The following FRY variants were observed in gnomAD, a reference collection of about 807,000 sequenced individuals.
FRY encodes FRY microtubule binding protein, also known as protein furry homolog.
FRY carries 128 observed loss-of-function variants against 348.4 expected under a neutral mutation model. The observed-to-expected ratio is 0.37, with a 90% CI of 0.32 to 0.43. FRY has a LOEUF of 0.43. FRY is among the 20% of genes least tolerant of loss of function. The pLI, the probability that FRY is intolerant of heterozygous loss-of-function variation, is 1.00. For missense variants in FRY, 2,736 were observed against 3,695.2 expected (o/e 0.74, Z 6.73); for synonymous variants, 1,370 against 1,374.7 (o/e 1.00, Z 0.08).
At chr13:32,080,496 C>T (rs1215398639) in intron 2 of FRY, among the ~76,000 whole-genome samples, 7 of 152,216 alleles carry the variant, frequency 4.6e-5, no homozygotes, top group Admixed American at 4.6e-4. Context: ...GGCTTCAGAA[C>T]CCACATCTGA....
chr13:32,131,659 G>A lies in FRY; in HGVS notation c.717-13G>A. 2 of 1,607,724 alleles carry A rather than the reference G, an allele frequency of 1.2e-6. No individual in the cohort carries two copies. Among genetic ancestry groups the A allele is most frequent in the Non-Finnish European group, 1.7e-6 (2 of 1,175,208 alleles). ...ACCCAATATTTGATAAACCACTTAT[G>A]TTATCTTCTTAGATTCCCTGCTGTA... On this transcript the variant is annotated splice_polypyrimidine_tract_variant and intron_variant, in intron 7 of 60. Coordinates refer to ENST00000542859, the MANE Select transcript of FRY (RefSeq NM_023037.3).
Position 32,295,632 on chromosome 13 carries a change from A to G in FRY, c.*172A>G, listed in dbSNP as rs1016775853. 2.6e-5 allele frequency: 17 copies of G among 644,718 alleles called. No individual in the cohort carries two copies. In the South Asian group the frequency reaches 2.7e-4, roughly 10 times the overall value. 39.9% of individuals were successfully genotyped at this position (644,718 alleles called of 1,614,324 possible). Reference sequence around the variant, plus strand: ...AGAACTTCCAACGTGTAGCAATACTATAAGAACCAAGGTAGCTTAGAACGT... The same window carrying G: ...AGAACTTCCAACGTGTAGCAATACTGTAAGAACCAAGGTAGCTTAGAACGT... On this transcript the variant is annotated 3_prime_UTR_variant, in exon 61 of 61. Transcript: ENST00000542859.
chr13:32,264,120 G>A (rs545712085), intron 53 of FRY, among the ~76,000 whole-genome samples: 14 of 152,284 alleles, frequency 9.2e-5, no homozygotes, highest in African/African-American at 3.4e-4. Flanking sequence ...TGCAGTGTTT[G>A]ATAAAGCTAT....
chr13:32,265,669 A>G (rs1482431312), intron 54 of FRY, 53 bp downstream of exon 54: 3 of 1,520,546 alleles, frequency 2.0e-6, no homozygotes, highest in Admixed American at 1.8e-5. Context: ...GGTACATTAT[A>G]TGGCATTCAC....
chr13:32,135,908 A>C (rs1879685392), intron 10 of FRY, among the ~76,000 whole-genome samples: 2 of 152,130 alleles, frequency 1.3e-5, no homozygotes, highest in Non-Finnish European at 2.9e-5. Context: ...AGTGGTGACA[A>C]ATTTGCTCAT....
At position 32,295,440 on chromosome 13, in the gene FRY, G is replaced by A; in HGVS notation, c.9022G>A (p.Val3008Ile). ...CACTACTTTTCTTCCAGACTCCAGT[G>A]TTTCTGGCACTAGTCTCTGACAGGA... Reference protein sequence around the residue: ...VLTTFLPDSSVSGTSL With the variant: ...VLTTFLPDSSISGTSL Residue 3008 changes from valine to isoleucine, a missense_variant, in exon 61 of 61, where the codon GTT becomes ATT. By Grantham distance (29) the Val-to-Ile change is conservative. Coordinates refer to ENST00000542859, the MANE Select transcript of FRY (RefSeq NM_023037.3). The A allele has an allele frequency of 6.2e-7, 1 of 1,611,462 alleles. No individual in the cohort carries two copies. Among genetic ancestry groups the A allele is most frequent in the Non-Finnish European group, 8.5e-7 (1 of 1,179,986 alleles).
intron 46 of FRY, among the ~76,000 whole-genome samples, chr13:32,240,694 G>A (rs1168080794): frequency 6.6e-6 from 1 of 152,180 alleles, no homozygotes; most frequent in African/African-American, 2.4e-5. Flanking sequence ...TAAGGCAAAT[G>A]ACTGGTAATC....
chr13:32,273,255 G>T (rs920760724), intron 55 of FRY, among the ~76,000 whole-genome samples: 2 of 135,732 alleles, frequency 1.5e-5, no homozygotes, highest in Admixed American at 8.1e-5. Context: ...ACGGAGTCTC[G>T]CTGTCGCCCA....
chr13:32,101,999 G>A lies in FRY; in HGVS notation c.307G>A (p.Asp103Asn), dbSNP rs753218297. ...GACAAAATCTCTGCAACGTGGAGAA[G>A]ACCCCCAATTTGATCAGGTATGTGA... Reference protein sequence around the residue: ...PLTKSLQRGEDPQFDQVISSM... With the variant: ...PLTKSLQRGENPQFDQVISSM... Residue 103 changes from aspartate to asparagine, a missense_variant, in exon 3 of 61, where the codon GAC becomes AAC. Asp to Asn is a conservative substitution (Grantham distance 23). Around this residue, in one of 9 missense-constraint regions of FRY, gnomAD observed 309 missense variants for 418.1 expected, o/e 0.74. Coordinates refer to ENST00000542859, the MANE Select transcript of FRY (RefSeq NM_023037.3). The A allele has an allele frequency of 6.5e-7, 1 of 1,548,448 alleles. No homozygotes were observed. The highest frequency in any genetic ancestry group is 8.9e-7 in the Non-Finnish European group (1 of 1,120,244).
At position 32,079,016 on chromosome 13, in the gene FRY, A is replaced by G. The variant is rs1875296463; in HGVS notation, c.253A>G (p.Ile85Val). ...TTQAERKIRIIMAEPLEKPLT... is the reference protein window; with the variant it reads ...TTQAERKIRIVMAEPLEKPLT... ...TCAGGCTGAACGCAAGATTCGTATC[A>G]TTATGGCAGAGCCCCTGGTGAGTAC... Residue 85 changes from isoleucine (I) to valine (V), a missense_variant, in exon 2 of 61, where the codon ATT becomes GTT. This residue lies in a region of FRY where 309 missense variants were observed against 418.1 expected (regional missense o/e 0.74). Transcript: ENST00000542859. 5.0e-6 allele frequency: 8 copies of G among 1,613,088 alleles called. No individual in the cohort carries two copies. In the East Asian group the frequency reaches 1.6e-4, roughly 31 times the overall value.
At chr13:32,151,711 C>T (rs1880804414) in intron 14 of FRY, among the ~76,000 whole-genome samples, 1 of 152,212 alleles carries the variant, frequency 6.6e-6, no homozygotes, top group Non-Finnish European at 1.5e-5. Flanking sequence ...GTCGTGAAGA[C>T]TTGCTGGTCT....
At position 32,246,189 on chromosome 13, in the gene FRY, G is replaced by C. The variant is rs145628948; in HGVS notation, c.6829-1134G>C. Among the ~76,000 whole-genome samples, 687 of 152,318 alleles carry C rather than the reference G, an allele frequency of 4.5e-3. 4 individuals carry two copies. Among genetic ancestry groups the C allele is most frequent in the African/African-American group, 0.016 (661 of 41,568 alleles). ...GATACTTTTTATCTTAACTCAAATA[G>C]TAGCTTATTTCACATTTAAACCATG... On this transcript the variant is annotated intron_variant, in intron 47 of 60. Transcript: ENST00000542859.
At position 32,270,658 on chromosome 13, in the gene FRY, C is replaced by T. The variant is rs1448294459; in HGVS notation, c.8136+3299C>T. On this transcript the variant is annotated intron_variant, in intron 55 of 60. Coordinates refer to ENST00000542859, the MANE Select transcript of FRY (RefSeq NM_023037.3). ...CCTAGAACGGTCATCTCCCCTTGTC[C>T]CTGGGCTACACTCCCAGTTACATTC... Among the ~76,000 whole-genome samples the T allele has an allele frequency of 2.0e-5, 3 of 152,304 alleles. No individual in the cohort carries two copies. The East Asian group carries it at 5.8e-4, about 29-fold the overall frequency.
Position 32,268,503 on chromosome 13 carries a change from AAAATATATAT to A in FRY, c.8136+1146_8136+1155del, listed in dbSNP as rs1283990126. Among the ~76,000 whole-genome samples, 33 of 14,760 alleles carry A rather than the reference AAAATATATAT, an allele frequency of 2.2e-3. No individual in the cohort carries two copies. The East Asian group carries it at 0.027, about 12-fold the overall frequency. The allele number at this position is 14,760 out of a possible 152,430, so 9.7% of individuals were successfully genotyped here. On this transcript the variant is annotated intron_variant, in intron 55 of 60. Coordinates refer to ENST00000542859, the MANE Select transcript of FRY (RefSeq NM_023037.3). ...AGCTAGTTTAAAAAAAAAAAAAAAA[AAAATATATAT>A]ATATATATATATATATATATATATA...
intron 1 of FRY, among the ~76,000 whole-genome samples, chr13:32,044,715 C>T (rs1469067788): frequency 2.6e-5 from 4 of 152,210 alleles, no homozygotes; most frequent in Non-Finnish European, 2.9e-5. Context: ...ACTGCTATCC[C>T]AGTTGCTGGG....
rs1566080174 is a variant in FRY, at chr13:32,117,417, T to G, written c.408T>G (p.Asn136Lys). The change falls in exon 4 of 61, where the codon AAT becomes AAG. Residue 136 changes from asparagine to lysine, a missense_variant. By Grantham distance (94) the Asn-to-Lys change is moderately conservative. This residue lies in a region of FRY where 309 missense variants were observed against 418.1 expected (regional missense o/e 0.74). Coordinates refer to ENST00000542859, the MANE Select transcript of FRY (RefSeq NM_023037.3). ...RTLFDWYKRQ[N>K]GIEDESHEYR... ...TATTTGACTGGTATAAAAGGCAAAA[T>G]GGCATTGAGGATGAATCACATGAAT... 1.2e-6 allele frequency: 2 copies of G among 1,613,874 alleles called. No homozygotes were observed. The highest frequency in any genetic ancestry group is 1.7e-6 in the Non-Finnish European group (2 of 1,179,772).
chr13:32,254,045 C>T (rs1887215660), intron 50 of FRY, 179 bp from the exon 51 acceptor site: 3 of 647,492 alleles, frequency 4.6e-6, no homozygotes, highest in East Asian at 2.7e-5. Context: ...GTCTTTGCCA[C>T]GAGTTTAATC....
intron 49 of FRY, among the ~76,000 whole-genome samples, 163 bp downstream of exon 49, chr13:32,249,850 T>C (rs1048752563): frequency 5.3e-5 from 8 of 152,318 alleles, no homozygotes; most frequent in African/African-American, 1.9e-4. Context: ...ACCCATTTGC[T>C]CTTTGAACAG....
chr13:32,249,403 C>A, intron 48 of FRY, 123 bp from the exon 49 acceptor site: 2 of 1,030,782 alleles, frequency 1.9e-6, no homozygotes, highest in Non-Finnish European at 2.9e-6. Context: ...CCACTTGTAA[C>A]ACTGAACTTC....
Sources: gnomAD v4.1 joint callset for allele counts (sites outside exome capture counted in the v4.1 genomes callset) on GRCh38, gnomAD v4.1.1 for gene constraint, gnomAD v4.1.1 regional missense constraint, MANE v1.5 for transcripts, NCBI Gene and HGNC (gene_info 2026-07-23, HGNC 2026-07-21) for gene names.